The following USH2A variants were observed in gnomAD, a reference collection of about 807,000 sequenced individuals.
USH2A encodes the protein Usher syndrome 2A (autosomal recessive, mild).
A neutral mutation model predicts 538.9 loss-of-function variants in USH2A; 443 were observed. The ratio of observed to expected loss-of-function variants is 0.82; its 90% CI spans 0.76 to 0.89. The LOEUF is 0.89. Ranked by LOEUF, USH2A falls within the 40% of genes least tolerant of loss-of-function variation. USH2A has a pLI of 0.00. For synonymous variants in USH2A, 2,413 were observed against 2,273.5 expected (o/e 1.06, Z -1.75); for missense variants, 6,633 against 6,324.8 (o/e 1.05, Z -1.65).
intron 9 of USH2A, among the ~76,000 whole-genome samples, chr1:216,310,841 G>T (rs12022087): frequency 0.015 from 2,285 of 152,282 alleles, 50 homozygotes; most frequent in African/African-American, 0.047. Context: ...CCAGTCCCTG[G>T]TTCCCTGCTT....
intron 47 of USH2A, among the ~76,000 whole-genome samples, chr1:215,827,041 T>G (rs1313481663): frequency 6.6e-6 from 1 of 152,138 alleles, no homozygotes; most frequent in African/African-American, 2.4e-5. Flanking sequence ...GTGAATCTCA[T>G]GGTTATGGAA....
chr1:216,281,064 A>G (rs897229469), intron 11 of USH2A, among the ~76,000 whole-genome samples: 4 of 152,328 alleles, frequency 2.6e-5, no homozygotes, highest in African/African-American at 7.2e-5. Flanking sequence ...GAAATCTTTT[A>G]TAACATTATT....
chr1:215,851,234 A>G (rs751501448), intron 44 of USH2A, among the ~76,000 whole-genome samples: 6 of 152,298 alleles, frequency 3.9e-5, no homozygotes, highest in Admixed American at 1.3e-4. Context: ...CAACCAAAAC[A>G]ATACAAAAGA....
intron 61 of USH2A, among the ~76,000 whole-genome samples, chr1:215,695,424 A>G (rs1658772994): frequency 6.6e-6 from 1 of 152,256 alleles, no homozygotes; most frequent in African/African-American, 2.4e-5. Flanking sequence ...CACAGAATCT[A>G]AAAATAAACA....
intron 32 of USH2A, among the ~76,000 whole-genome samples, chr1:216,030,685 T>C (rs1669102802): frequency 6.7e-6 from 1 of 149,090 alleles, no homozygotes; most frequent in South Asian, 2.1e-4. Context: ...ATATCAAATA[T>C]ACTGTTAAAG....
chr1:215,947,820 T>C (rs868755681), intron 37 of USH2A, among the ~76,000 whole-genome samples: 1 of 152,236 alleles, frequency 6.6e-6, no homozygotes, highest in Admixed American at 6.5e-5. Flanking sequence ...CAATGAAACA[T>C]AATTTAATTC....
intron 64 of USH2A, among the ~76,000 whole-genome samples, chr1:215,667,914 A>T (rs924497528): frequency 2.6e-5 from 4 of 152,218 alleles, no homozygotes; most frequent in African/African-American, 7.2e-5. Flanking sequence ...GAGTACAATG[A>T]TGTAATGTAG....
chr1:216,189,450 A>T lies in USH2A; in HGVS notation c.4396+773T>A, dbSNP rs2034671759. On this transcript the variant is annotated intron_variant, in intron 20 of 71. Transcript: ENST00000307340. Reference sequence around the variant, plus strand: ...AAGATAACCAGGAAACTAAGCTTTTATCTAGAATCAGAAAAACACTGATTT... The same window carrying T: ...AAGATAACCAGGAAACTAAGCTTTTTTCTAGAATCAGAAAAACACTGATTT... Among the ~76,000 whole-genome samples the T allele has an allele frequency of 2.0e-5, 3 of 151,930 alleles. No individual in the cohort carries two copies. In the South Asian group the frequency reaches 6.2e-4, roughly 31 times the overall value.
At position 215,728,931 on chromosome 1, in the gene USH2A, T is replaced by C. The variant is rs80050309; in HGVS notation, c.11712-547A>G. Reference sequence around the variant, plus strand: ...TTTTTGTACAACTGGAACCACAGGATATGGAATTAGTAGAAGCTATTATTG... The same window carrying C: ...TTTTTGTACAACTGGAACCACAGGACATGGAATTAGTAGAAGCTATTATTG... On this transcript the variant is annotated intron_variant, in intron 60 of 71. Transcript: ENST00000307340. Among the ~76,000 whole-genome samples, 767 of 152,266 alleles carry C rather than the reference T, an allele frequency of 5.0e-3. 5 individuals are homozygous for C. Among genetic ancestry groups the C allele is most frequent in the African/African-American group, 0.018 (732 of 41,556 alleles).
intron 30 of USH2A, among the ~76,000 whole-genome samples, chr1:216,058,957 AT>A (rs1455206440): frequency 6.6e-6 from 1 of 152,178 alleles, no homozygotes; most frequent in African/African-American, 2.4e-5. Flanking sequence ...CTTATTGTCT[AT>A]TGAAGAAATA....
intron 49 of USH2A, among the ~76,000 whole-genome samples, chr1:215,813,206 G>A (rs1383161231): frequency 6.6e-6 from 1 of 152,156 alleles, no homozygotes; most frequent in African/African-American, 2.4e-5. Context: ...TACTAAAAAG[G>A]GATGAAGGAA....
chr1:215,799,713 T>G (rs967235858), intron 49 of USH2A, among the ~76,000 whole-genome samples: 3 of 152,104 alleles, frequency 2.0e-5, no homozygotes, highest in African/African-American at 7.2e-5. Flanking sequence ...CCACCAGGTG[T>G]GGTGCTTTAC....
intron 56 of USH2A, among the ~76,000 whole-genome samples, chr1:215,765,863 T>C (rs1201713802): frequency 6.6e-6 from 1 of 152,188 alleles, no homozygotes; most frequent in Non-Finnish European, 1.5e-5. Flanking sequence ...TAGCTGAATT[T>C]ATTTAGCAAT....
intron 21 of USH2A, among the ~76,000 whole-genome samples, chr1:216,152,047 T>G (rs2033846272): frequency 6.6e-6 from 1 of 152,114 alleles, no homozygotes; most frequent in South Asian, 2.1e-4. Flanking sequence ...CCCTTCAGCT[T>G]AATCTCTCCC....
At chr1:215,940,829 C>A (rs1212268260) in intron 37 of USH2A, among the ~76,000 whole-genome samples, 2 of 152,116 alleles carry the variant, frequency 1.3e-5, no homozygotes, top group African/African-American at 4.8e-5. Context: ...ATTCCTCTAG[C>A]CTGACAATTG....
At chr1:216,263,633 C>T (rs969727252) in intron 11 of USH2A, among the ~76,000 whole-genome samples, 1 of 152,012 alleles carries the variant, frequency 6.6e-6, no homozygotes, top group South Asian at 2.1e-4. Context: ...TAATAAAGGC[C>T]ATATATGACA....
intron 9 of USH2A, among the ~76,000 whole-genome samples, chr1:216,303,144 G>A (rs1171684734): frequency 4.6e-5 from 7 of 151,898 alleles, no homozygotes; most frequent in Admixed American, 1.3e-4. Context: ...GACACATGGG[G>A]ACACACCACG....
chr1:216,038,870 T>C (rs1207967793), intron 32 of USH2A, among the ~76,000 whole-genome samples: 5 of 152,176 alleles, frequency 3.3e-5, no homozygotes, highest in Middle Eastern at 3.4e-3. Context: ...TTAACTCCAT[T>C]GCTTTTCTAA....
At chr1:215,629,777 T>TC (rs1199527247) in intron 70 of USH2A, among the ~76,000 whole-genome samples, 27 of 146,464 alleles carry the variant, frequency 1.8e-4, no homozygotes, top group South Asian at 4.4e-4. Context: ...TCTTTTCTTT[T>TC]TTTTTTTTTT....
Sources: gnomAD v4.1 joint callset for allele counts (sites outside exome capture counted in the v4.1 genomes callset) on GRCh38, gnomAD v4.1.1 for gene constraint, MANE v1.5 for transcripts, NCBI Gene and HGNC (gene_info 2026-07-23, HGNC 2026-07-21) for gene names.